KCNH8: variants seen among roughly 807,000 people sequenced by gnomAD.
KCNH8 encodes the protein voltage-gated delayed rectifier potassium channel KCNH8.
Under a neutral mutation model 103.6 loss-of-function variants are expected in KCNH8, and 70 were observed. That is an observed-to-expected ratio of 0.68 (90% CI 0.56 to 0.82). The LOEUF is 0.82. Among genes scored for constraint, KCNH8 ranks in the 40% least tolerant of loss-of-function variants. KCNH8 has a pLI of 0.00. For missense variants in KCNH8, 1,217 were observed against 1,329.9 expected (o/e 0.92, Z 1.32); for synonymous variants, 498 against 489.4 (o/e 1.02, Z -0.23).
At chr3:19,444,477 C>G (rs1467497098) in intron 8 of KCNH8, among the ~76,000 whole-genome samples, 3 of 151,856 alleles carry the variant, frequency 2.0e-5, no homozygotes, top group Non-Finnish European at 2.9e-5. Flanking sequence ...ACAAAACGCC[C>G]TAGCCTTAAA....
intron 12 of KCNH8, among the ~76,000 whole-genome samples, chr3:19,512,326 A>G (rs2068796969): frequency 6.6e-6 from 1 of 152,178 alleles, no homozygotes; most frequent in Non-Finnish European, 1.5e-5. Context: ...GGGTTTTGGC[A>G]AGACTATTTT....
intron 3 of KCNH8, among the ~76,000 whole-genome samples, chr3:19,337,353 G>A (rs2065597907): frequency 6.6e-6 from 1 of 152,032 alleles, no homozygotes; most frequent in South Asian, 2.1e-4. Context: ...AATACATGAT[G>A]TTTTGTTCAG....
intron 1 of KCNH8, among the ~76,000 whole-genome samples, chr3:19,237,384 G>C (rs2064079840): frequency 6.6e-6 from 1 of 152,170 alleles, no homozygotes; most frequent in African/African-American, 2.4e-5. Context: ...GAGCCCTTTA[G>C]CTGGGCACTC....
chr3:19,265,372 G>A (rs778161495), intron 2 of KCNH8, among the ~76,000 whole-genome samples: 5 of 152,090 alleles, frequency 3.3e-5, no homozygotes, highest in Non-Finnish European at 4.4e-5. Context: ...CCAGCAGAGC[G>A]TTAAATGAAA....
At chr3:19,453,187 G>A (rs888204773) in intron 10 of KCNH8, among the ~76,000 whole-genome samples, 12 of 152,042 alleles carry the variant, frequency 7.9e-5, no homozygotes, top group African/African-American at 1.4e-4. Context: ...TAATAGACAC[G>A]GGAGACCAGG....
chr3:19,360,319 T>G (rs1387268184), intron 5 of KCNH8, among the ~76,000 whole-genome samples: 2 of 152,024 alleles, frequency 1.3e-5, no homozygotes, highest in Non-Finnish European at 2.9e-5. Flanking sequence ...GTGTGGTGGA[T>G]GGGTGGATGT....
intron 1 of KCNH8, among the ~76,000 whole-genome samples, chr3:19,208,626 G>A (rs1257598505): frequency 6.6e-6 from 1 of 151,864 alleles, no homozygotes; most frequent in Non-Finnish European, 1.5e-5. Context: ...CAAGCCCATT[G>A]GTGAGAAGGA....
chr3:19,494,683 G>A (rs2068398984), intron 11 of KCNH8, among the ~76,000 whole-genome samples: 1 of 152,026 alleles, frequency 6.6e-6, no homozygotes, highest in South Asian at 2.1e-4. Context: ...GTGTCTTTAT[G>A]GTAAAATAAT....
At chr3:19,376,619 C>T (rs1016138137) in intron 5 of KCNH8, among the ~76,000 whole-genome samples, 7 of 152,216 alleles carry the variant, frequency 4.6e-5, no homozygotes, top group African/African-American at 1.7e-4. Flanking sequence ...ATCTTGGCTC[C>T]TCTCCCTGTA....
At chr3:19,511,800 T>A (rs565522215) in intron 12 of KCNH8, among the ~76,000 whole-genome samples, 6 of 152,224 alleles carry the variant, frequency 3.9e-5, no homozygotes, top group African/African-American at 1.4e-4. Flanking sequence ...TACAAGAACT[T>A]CATAAGTAAA....
intron 1 of KCNH8, among the ~76,000 whole-genome samples, chr3:19,174,056 C>T (rs2063374476): frequency 1.3e-5 from 2 of 151,270 alleles, no homozygotes; most frequent in African/African-American, 4.9e-5. Flanking sequence ...CAGCACTTGG[C>T]CACTCCCACT....
intron 1 of KCNH8, among the ~76,000 whole-genome samples, chr3:19,251,489 T>C (rs1191667840): frequency 6.6e-6 from 1 of 152,014 alleles, no homozygotes; most frequent in African/African-American, 2.4e-5. Context: ...TAGGCGCTGA[T>C]TGGAGCAAAG....
chr3:19,323,236 T>C (rs924413746), intron 3 of KCNH8, among the ~76,000 whole-genome samples: 4 of 152,042 alleles, frequency 2.6e-5, no homozygotes, highest in African/African-American at 9.7e-5. Context: ...GATCACAAGG[T>C]CAAGAGATCG....
At chr3:19,254,335 TAAA>T (rs150149489) in intron 2 of KCNH8, among the ~76,000 whole-genome samples, 1 of 148,102 alleles carries the variant, frequency 6.8e-6, no homozygotes, top group Non-Finnish European at 1.5e-5. Context: ...GGAAGTCAGT[TAAA>T]AAAAAAAATT....
rs2069231722 is a variant in KCNH8 at position 19,534,422 on chromosome 3, T to C, written c.*323T>C. 1 of 306,186 alleles carries C rather than the reference T, an allele frequency of 3.3e-6. No individual in the cohort carries two copies. The highest frequency in any genetic ancestry group is 6.0e-6 in the Non-Finnish European group (1 of 166,632). The allele number at this position is 306,186 out of a possible 1,614,324, so 19.0% of individuals were successfully genotyped here. A position where few individuals can be genotyped will look rare whatever the true frequency, so the allele number is the denominator to read the frequency against. On this transcript the variant is annotated 3_prime_UTR_variant, in exon 16 of 16. Coordinates refer to ENST00000328405, the MANE Select transcript of KCNH8 (RefSeq NM_144633.3). ...GAACTTGTGGATGACTTTTGTCCCA[T>C]GTGGCTTTTGTGAAGTATGGCAAAG...
rs577463107 is a variant in KCNH8, at chr3:19,186,055, A to G, written c.76+37260A>G. Among the ~76,000 whole-genome samples, 4 of 152,110 alleles carry G rather than the reference A, an allele frequency of 2.6e-5. No individual in the cohort carries two copies. In the South Asian group the frequency reaches 8.3e-4, roughly 32 times the overall value. On this transcript the variant is annotated intron_variant, in intron 1 of 15. Coordinates refer to ENST00000328405, the MANE Select transcript of KCNH8 (RefSeq NM_144633.3). ...CATGGAAAATAGGGATTTAGTTAAA[A>G]AACAATAAAAATTATTACTAAGTAT...
chr3:19,233,636 C>T lies in KCNH8; in HGVS notation c.77-20018C>T, dbSNP rs73048554. Among the ~76,000 whole-genome samples, 553 of 152,264 alleles carry T rather than the reference C, an allele frequency of 3.6e-3. 3 individuals are homozygous for T. Among genetic ancestry groups the T allele is most frequent in the Non-Finnish European group, 6.3e-3 (426 of 68,018 alleles). Reference sequence around the variant, plus strand: ...AAACATCAGTTCCCAGCCTGGGCCACTGTCTGTGTGGAGTTGGCTTGTTCT... The same window carrying T: ...AAACATCAGTTCCCAGCCTGGGCCATTGTCTGTGTGGAGTTGGCTTGTTCT... On this transcript the variant is annotated intron_variant, in intron 1 of 15. Coordinates refer to ENST00000328405, the MANE Select transcript of KCNH8 (RefSeq NM_144633.3).
chr3:19,388,351 A>C (rs899281511), intron 5 of KCNH8, among the ~76,000 whole-genome samples: 4 of 152,084 alleles, frequency 2.6e-5, no homozygotes, highest in Admixed American at 2.6e-4. Flanking sequence ...TGAGGTACTA[A>C]ATTGCATTGC....
At chr3:19,470,337 T>G (rs780485181) in intron 11 of KCNH8, among the ~76,000 whole-genome samples, 1 of 152,186 alleles carries the variant, frequency 6.6e-6, no homozygotes, top group Non-Finnish European at 1.5e-5. Flanking sequence ...CTCTAAACAT[T>G]ATCTCTCTGT....
Sources: gnomAD v4.1 joint callset for allele counts (sites outside exome capture counted in the v4.1 genomes callset) on GRCh38, gnomAD v4.1.1 for gene constraint, MANE v1.5 for transcripts, NCBI Gene and HGNC (gene_info 2026-07-23, HGNC 2026-07-21) for gene names.